FBXO34: variants seen among roughly 807,000 people sequenced by gnomAD.
FBXO34 encodes the protein F-box protein 34, also known as F-box only protein 34.
Under a neutral mutation model 24.5 loss-of-function variants are expected in FBXO34, and 12 were observed. The ratio of observed to expected loss-of-function variants is 0.49; its 90% CI spans 0.31 to 0.79. The LOEUF is 0.79. FBXO34 is among the 30% of genes least tolerant of loss of function. The pLI is 0.04. For missense variants in FBXO34, 823 were observed against 857.7 expected (o/e 0.96, Z 0.51); for synonymous variants, 320 against 311.9 (o/e 1.03, Z -0.27).
chr14:55,353,745 G>T (rs550832802), downstream of FBXO34: 247 of 161,196 alleles, frequency 1.5e-3, no homozygotes, highest in African/African-American at 5.6e-3. Context: ...CACGGAAGAG[G>T]CCATCTTCAC....
chr14:55,369,810 C>A, downstream of FBXO34: 2 of 1,614,168 alleles, frequency 1.2e-6, no homozygotes. Flanking sequence ...GTGCCCAGGT[C>A]GGTTTCTTCA....
At chr14:55,437,472 C>T in the FBXO34 span, among the ~76,000 whole-genome samples, 1 of 152,170 alleles carries the variant, frequency 6.6e-6, no homozygotes, top group Admixed American at 6.5e-5. Flanking sequence ...AGCGAGACTC[C>T]ATCTAAAAAA....
rs1884444511 is a variant in FBXO34, at chr14:55,352,991, AAAGTC to A, written c.*467_*471del. The A allele has an allele frequency of 5.8e-6, 1 of 172,564 alleles. No homozygotes were observed. The highest frequency in any genetic ancestry group is 1.4e-5 in the Non-Finnish European group (1 of 71,242). 10.7% of individuals were successfully genotyped at this position (172,564 alleles called of 1,614,324 possible). ...TAGATGAAAAGTATTCTTAAAAAGAAAAGTCAGGCACCCCACCTTAGACCTCGTAT... is the reference window on the plus strand; with the variant it reads ...TAGATGAAAAGTATTCTTAAAAAGAAAGGCACCCCACCTTAGACCTCGTAT... On this transcript the variant is annotated 3_prime_UTR_variant, in exon 2 of 2. Transcript: ENST00000313833.
At chr14:55,345,587 A>G (rs1054162447) in intron 1 of FBXO34, among the ~76,000 whole-genome samples, 1 of 152,118 alleles carries the variant, frequency 6.6e-6, no homozygotes, top group African/African-American at 2.4e-5. Flanking sequence ...ACCCTGTGCT[A>G]TCCTTCTGAC....
At chr14:55,327,559 A>C (rs1266843160) in intron 1 of FBXO34, among the ~76,000 whole-genome samples, 1 of 152,128 alleles carries the variant, frequency 6.6e-6, no homozygotes, top group African/African-American at 2.4e-5. Flanking sequence ...AAATGGAGTC[A>C]TTTTCCAATA....
chr14:55,414,269 A>G, the FBXO34 span: 5 of 814,426 alleles, frequency 6.1e-6, no homozygotes, highest in Non-Finnish European at 9.8e-6. Context: ...CCCTTTAATA[A>G]GTAACGTACT....
At chr14:55,342,353 G>A (rs1173933766) in intron 1 of FBXO34, among the ~76,000 whole-genome samples, 2 of 151,990 alleles carry the variant, frequency 1.3e-5, no homozygotes, top group East Asian at 1.9e-4. Flanking sequence ...CTTTTCTGTC[G>A]TTCGCCACTA....
the FBXO34 span, among the ~76,000 whole-genome samples, chr14:55,403,668 C>T: frequency 1.3e-5 from 2 of 151,586 alleles, no homozygotes; most frequent in South Asian, 2.1e-4. Context: ...TGTTAAATGA[C>T]AAAACAACAA....
intron 1 of FBXO34, among the ~76,000 whole-genome samples, chr14:55,328,773 G>C (rs142676485): frequency 2.6e-5 from 4 of 152,248 alleles, no homozygotes; most frequent in Non-Finnish European, 5.9e-5. Context: ...TTCCTAAACT[G>C]TTTGAGGTGC....
chr14:55,330,051 A>G (rs761489725), intron 1 of FBXO34, among the ~76,000 whole-genome samples: 1 of 152,152 alleles, frequency 6.6e-6, no homozygotes, highest in Non-Finnish European at 1.5e-5. Context: ...TGTGCAAGGA[A>G]TTTAGAGTTC....
rs140320216 is a variant in FBXO34 at position 55,280,568 on chromosome 14, C to T, written c.-11+9031C>T. 5.5e-3 allele frequency among the ~76,000 whole-genome samples: 745 copies of T among 134,596 alleles called. 26 individuals carry two copies. In the East Asian group the frequency reaches 0.094, roughly 17 times the overall value. The allele number at this position is 134,596 out of a possible 152,430, so 88.3% of individuals were successfully genotyped here. On this transcript the variant is annotated intron_variant, in intron 1 of 1. Coordinates refer to ENST00000313833, the MANE Select transcript of FBXO34 (RefSeq NM_017943.4). ...TTGAGATGGAGTCTCACTCTGTCAC[C>T]CAGGCTGGAGTGCAGTGGCGCGATC...
chr14:55,295,357 A>G (rs1401428484), intron 1 of FBXO34, among the ~76,000 whole-genome samples: 3 of 148,896 alleles, frequency 2.0e-5, no homozygotes, highest in Non-Finnish European at 4.5e-5. Flanking sequence ...TATTCTATAT[A>G]ATGGCTCTAT....
rs968810662 is a variant in FBXO34, at chr14:55,351,730, C to A, written c.1340C>A (p.Pro447His). ...CTTGTGTCCCTTACTAGCCGAAATC[C>A]TGATCAAAGAAAAGAATCTTTGTGC... ...RELVSLTSRN[P>H]DQRKESLCIS... The change falls in exon 2 of 2, where the codon CCT becomes CAT. Residue 447 changes from proline (P) to histidine (H), a missense_variant. Physicochemically the swap from Pro to His is moderately conservative, Grantham distance 77. Around this residue, in one of 2 missense-constraint regions of FBXO34, gnomAD observed 693 missense variants for 659.1 expected, o/e 1.05. Coordinates refer to ENST00000313833, the MANE Select transcript of FBXO34 (RefSeq NM_017943.4). The A allele has an allele frequency of 6.2e-7, 1 of 1,614,194 alleles. No individual in the cohort carries two copies. The highest frequency in any genetic ancestry group is 8.5e-7 in the Non-Finnish European group (1 of 1,180,042).
intron 1 of FBXO34, among the ~76,000 whole-genome samples, chr14:55,275,954 G>T (rs1881328427): frequency 7.7e-6 from 1 of 129,538 alleles, no homozygotes; most frequent in Non-Finnish European, 1.6e-5. Flanking sequence ...CATAGCCCAA[G>T]ACAGACAAAG....
intron 3 of FBXO34, among the ~76,000 whole-genome samples, chr14:55,360,720 G>A (rs1029177824): frequency 2.6e-5 from 4 of 152,190 alleles, no homozygotes; most frequent in Middle Eastern, 3.4e-3. Context: ...TATTTTGGCC[G>A]GGCATGGTGG....
intron 1 of FBXO34, among the ~76,000 whole-genome samples, chr14:55,307,968 A>G (rs1882609225): frequency 6.6e-6 from 1 of 152,162 alleles, no homozygotes; most frequent in African/African-American, 2.4e-5. Context: ...GGCCAGGTGG[A>G]GATAATTGAA....
chr14:55,313,711 C>A (rs1882828444), intron 1 of FBXO34, among the ~76,000 whole-genome samples: 1 of 152,144 alleles, frequency 6.6e-6, no homozygotes, highest in Non-Finnish European at 1.5e-5. Context: ...GGAGGAGCTA[C>A]CAAACACTTA....
intron 1 of FBXO34, among the ~76,000 whole-genome samples, chr14:55,280,731 T>C (rs1239899934): frequency 6.6e-6 from 1 of 152,004 alleles, no homozygotes; most frequent in Non-Finnish European, 1.5e-5. Flanking sequence ...TTTCACCATG[T>C]TAGCCAGGAT....
the FBXO34 span, among the ~76,000 whole-genome samples, chr14:55,376,858 T>C: frequency 3.9e-5 from 6 of 152,324 alleles, no homozygotes; most frequent in East Asian, 9.6e-4. Flanking sequence ...CAGGCGTGCA[T>C]GGATGGAACG....
Sources: gnomAD v4.1 joint callset for allele counts (sites outside exome capture counted in the v4.1 genomes callset) on GRCh38, gnomAD v4.1.1 for gene constraint, gnomAD v4.1.1 regional missense constraint, MANE v1.5 for transcripts, NCBI Gene and HGNC (gene_info 2026-07-23, HGNC 2026-07-21) for gene names.